The following ZNF468 variants were observed in gnomAD, a reference collection of about 807,000 sequenced individuals.
ZNF468 encodes zinc finger protein ZNF468.
A neutral mutation model predicts 7.2 loss-of-function variants in ZNF468; 8 were observed. The ratio of observed to expected loss-of-function variants is 1.11; its 90% confidence interval spans 0.65 to 2.01. The LOEUF (loss-of-function observed/expected upper bound fraction) is 2.01. Ranked by LOEUF, ZNF468 falls within the 30% of genes most tolerant of loss-of-function variation. The pLI is 0.00. For synonymous variants in ZNF468, 218 were observed against 214.4 expected, an observed-to-expected ratio of 1.02 and a Z score of -0.15; for missense variants, 608 against 626.5, an observed-to-expected ratio of 0.97 and a Z score of 0.31.
At chr19:52,849,509 G>T in intron 2 of ZNF468, 2 of 439,180 alleles carry the variant, frequency 4.6e-6, no homozygotes, top group Non-Finnish European at 7.6e-6. Flanking sequence ...AACTTTTATA[G>T]ACACACCAAG....
chr19:52,841,857 A>T lies in ZNF468; in HGVS notation c.437T>A (p.Leu146Ter), dbSNP rs61729942. 34 of 1,613,976 alleles carry T rather than the reference A, an allele frequency of 2.1e-5. No homozygotes were observed. Among genetic ancestry groups the T allele is most frequent in the African/African-American group, 2.7e-5 (2 of 74,904 alleles). Residue 146 changes from leucine to a stop codon, truncating the protein, a stop_gained, in exon 4 of 4, where the codon TTG becomes TAG. Transcript: ENST00000595646. LOFTEE classifies it low-confidence loss of function (END_TRUNC). ...IKDQLGSSFH[L>*]HLPEPHIFQS... ...AAATATGTGCGGTTCAGGCAGATGC[A>T]AATGAAAGCTTGATCCAAGCTGATC...
intron 2 of ZNF468, among the ~76,000 whole-genome samples, chr19:52,850,173 A>G (rs987711947): frequency 6.6e-6 from 1 of 152,120 alleles, no homozygotes; most frequent in African/African-American, 2.4e-5. Flanking sequence ...AAAAAGTAGC[A>G]AGTTTTGTTT....
chr19:52,849,076 G>C lies in ZNF468; in HGVS notation c.142+11C>G. 1 of 1,613,496 alleles carries C rather than the reference G, an allele frequency of 6.2e-7. No homozygotes were observed. Among genetic ancestry groups the C allele is most frequent in the Non-Finnish European group, 8.5e-7 (1 of 1,179,744 alleles). ...ACAAGGGCACATCCCCAGGAGGGAAGTTATCCTCACCCAGGGAGACGAGGT... is the reference window on the plus strand; with the variant it reads ...ACAAGGGCACATCCCCAGGAGGGAACTTATCCTCACCCAGGGAGACGAGGT... On this transcript the variant is annotated intron_variant, in intron 3 of 3. Coordinates refer to ENST00000595646, the MANE Select transcript of ZNF468 (RefSeq NM_001008801.2).
chr19:52,854,457 C>G, intron 1 of ZNF468, 112 bp from the exon 2 acceptor site: 1 of 1,128,152 alleles, frequency 8.9e-7, no homozygotes, highest in Non-Finnish European at 1.2e-6. Flanking sequence ...CCCTCTGCTG[C>G]CCACTGCACA....
At chr19:52,851,262 A>C (rs1394970926) in intron 2 of ZNF468, among the ~76,000 whole-genome samples, 1 of 148,810 alleles carries the variant, frequency 6.7e-6, no homozygotes, top group Non-Finnish European at 1.5e-5. Flanking sequence ...GGCAACTGAG[A>C]ATTTGTCTCA....
chr19:52,850,878 G>A lies in ZNF468; in HGVS notation c.16-1665C>T, dbSNP rs536313890. Among the ~76,000 whole-genome samples, 453 of 151,064 alleles carry A rather than the reference G, an allele frequency of 3.0e-3. 2 individuals are homozygous for A. The highest frequency in any genetic ancestry group is 6.9e-3 in the Middle Eastern group (2 of 290). On this transcript the variant is annotated intron_variant, in intron 2 of 3. Transcript: ENST00000595646. ...CGCGCCACTGCACTCCAGCCTGGGC[G>A]ACAGAGCGAGACTCCGTCTTGAAAA...
intron 3 of ZNF468, among the ~76,000 whole-genome samples, chr19:52,842,841 A>AAAAAAAAAGG (rs2063315919): frequency 7.3e-6 from 1 of 136,246 alleles, no homozygotes; most frequent in African/African-American, 2.8e-5. Flanking sequence ...AAAAAAAAAA[A>AAAAAAAAAGG]GACATGGCAT....
Position 52,841,501 on chromosome 19 carries a change from G to C in ZNF468, c.793C>G (p.His265Asp), listed in dbSNP as rs1410800484. The stretch of plus-strand genomic sequence containing the variant: ...CACTTGTAAGGTTTCTCACCAGTGT[G>C]ACATCTACGATGGCAGGCAAGGTAT... ...KRYLACHRRC[H>D]TGEKPYKCNE... Residue 265 changes from histidine to aspartate, a missense_variant, in exon 4 of 4, where the codon CAC becomes GAC. Transcript: ENST00000595646. 1 of 1,614,142 alleles carries C rather than the reference G, an allele frequency of 6.2e-7. No individual in the cohort carries two copies. The highest frequency in any genetic ancestry group is 8.5e-7 in the Non-Finnish European group (1 of 1,180,014).
At chr19:52,850,753 G>T (rs1166802508) in intron 2 of ZNF468, among the ~76,000 whole-genome samples, 4 of 151,734 alleles carry the variant, frequency 2.6e-5, no homozygotes, top group African/African-American at 9.7e-5. Context: ...CAAAAAATTA[G>T]CCGGGCGTGG....
chr19:52,850,556 C>T (rs943738545), intron 2 of ZNF468, among the ~76,000 whole-genome samples: 20 of 152,116 alleles, frequency 1.3e-4, no homozygotes, highest in African/African-American at 4.1e-4. Flanking sequence ...ACAACAGACA[C>T]TGCAGTCTAC....
rs1484027511 is a variant in ZNF468 at position 52,838,385 on chromosome 19, C to T, written c.*2340G>A. 3 of 152,228 alleles carry T rather than the reference C, an allele frequency of 2.0e-5. No individual in the cohort carries two copies. The highest frequency in any genetic ancestry group is 7.2e-5 in the African/African-American group (3 of 41,436). 9.4% of individuals were successfully genotyped at this position (152,228 alleles called of 1,614,324 possible). On this transcript the variant is annotated 3_prime_UTR_variant, in exon 4 of 4. Transcript: ENST00000595646. Reference sequence around the variant, plus strand: ...ACAAAGACCATCCATGAAATGACCACAGCAGAAATAACCAATCAGGGAAAA... The same window carrying T: ...ACAAAGACCATCCATGAAATGACCATAGCAGAAATAACCAATCAGGGAAAA...
At position 52,840,416 on chromosome 19, in the gene ZNF468, A is replaced by G; in HGVS notation, c.*309T>C. The G allele has an allele frequency of 3.8e-6, 2 of 525,166 alleles. No homozygotes were observed. The highest frequency in any genetic ancestry group is 4.0e-5 in the East Asian group (1 of 25,108). The allele number at this position is 525,166 out of a possible 1,614,324, so 32.5% of individuals were successfully genotyped here. ...TGAGTTTCTCTCCAGTGTGAATTCTAGTATGTTTTGCCAGATATGCATTAT... is the reference window on the plus strand; with the variant it reads ...TGAGTTTCTCTCCAGTGTGAATTCTGGTATGTTTTGCCAGATATGCATTAT... On this transcript the variant is annotated 3_prime_UTR_variant, in exon 4 of 4. Coordinates refer to ENST00000595646, the MANE Select transcript of ZNF468 (RefSeq NM_001008801.2).
Position 52,839,740 on chromosome 19 carries a change from C to A in ZNF468, c.*985G>T. On this transcript the variant is annotated 3_prime_UTR_variant, in exon 4 of 4. Transcript: ENST00000595646. ...CCTGTATGAATCCTCCTATGTTTTG[C>A]ATAGGATGAAGCTTGACTGAAGACC... 1.9e-6 allele frequency: 1 copy of A among 513,666 alleles called. No homozygotes were observed. The highest frequency in any genetic ancestry group is 1.5e-5 in the South Asian group (1 of 67,930). 31.8% of individuals were successfully genotyped at this position (513,666 alleles called of 1,614,324 possible). A position where few individuals can be genotyped will look rare whatever the true frequency, so the allele number is the denominator to read the frequency against.
Position 52,841,555 on chromosome 19 carries a change from C to T in ZNF468, c.739G>A (p.Val247Ile), listed in dbSNP as rs778002930. 3.7e-6 allele frequency: 6 copies of T among 1,614,130 alleles called. No individual in the cohort carries two copies. Among genetic ancestry groups the T allele is most frequent in the East Asian group, 4.5e-5 (2 of 44,868 alleles). ...TTCTGATTAAAGACCTTGCCACATACATCACATTTACATTGTTTCTCTTCT... is the reference window on the plus strand; with the variant it reads ...TTCTGATTAAAGACCTTGCCACATATATCACATTTACATTGTTTCTCTTCT... ...HLEEKQCKCDVCGKVFNQKRY... is the reference protein window; with the variant it reads ...HLEEKQCKCDICGKVFNQKRY... The change falls in exon 4 of 4, where the codon GTA becomes ATA. Residue 247 changes from valine (V) to isoleucine (I), a missense_variant. By Grantham distance (29) the Val-to-Ile change is conservative (BLOSUM62 3). Coordinates refer to ENST00000595646, the MANE Select transcript of ZNF468 (RefSeq NM_001008801.2).
At chr19:52,850,721 A>C (rs1024134875) in intron 2 of ZNF468, among the ~76,000 whole-genome samples, 6 of 151,726 alleles carry the variant, frequency 4.0e-5, no homozygotes, top group African/African-American at 1.5e-4. Flanking sequence ...AACACGGTGA[A>C]ACCCCATCTC....
chr19:52,848,027 G>A (rs1324114522), intron 3 of ZNF468, among the ~76,000 whole-genome samples: 1 of 152,150 alleles, frequency 6.6e-6, no homozygotes. Context: ...CAGGTATGGA[G>A]GGGCTGGCGC....
intron 2 of ZNF468, among the ~76,000 whole-genome samples, chr19:52,851,218 G>C (rs932510382): frequency 4.6e-5 from 7 of 152,072 alleles, no homozygotes; most frequent in African/African-American, 1.7e-4. Flanking sequence ...AGAGGTTGCA[G>C]TGATCTGAGA....
intron 2 of ZNF468, among the ~76,000 whole-genome samples, chr19:52,852,803 C>T (rs2063400875): frequency 2.0e-5 from 3 of 152,130 alleles, no homozygotes; most frequent in South Asian, 4.1e-4. Context: ...AGCCTTCACA[C>T]ATAGCCCCAA....
At chr19:52,852,082 G>A (rs561377451) in intron 2 of ZNF468, among the ~76,000 whole-genome samples, 14 of 151,998 alleles carry the variant, frequency 9.2e-5, no homozygotes, top group Admixed American at 2.0e-4. Context: ...AATAACTATC[G>A]GGCCCGGGCA....
Sources: allele counts gnomAD v4.1 joint callset (sites outside exome capture counted in the v4.1 genomes callset), GRCh38; gene constraint gnomAD v4.1.1; transcripts MANE v1.5; gene names NCBI Gene and HGNC (gene_info 2026-07-23, HGNC 2026-07-21).